DPH6: variants seen among roughly 807,000 people sequenced by gnomAD.
The protein encoded by DPH6 is diphthine--ammonia ligase.
Under a neutral mutation model 38.2 loss-of-function variants are expected in DPH6, and 33 were observed. The ratio of observed to expected loss-of-function variants is 0.86; its 90% CI spans 0.65 to 1.15. The LOEUF (loss-of-function observed/expected upper bound fraction) is 1.15. Among genes scored for constraint, DPH6 ranks in the 50% most tolerant of loss-of-function variants. The pLI is 0.00. For synonymous variants in DPH6, 108 were observed against 103.0 expected (o/e 1.05, Z -0.30); for missense variants, 325 against 320.0 (o/e 1.02, Z -0.12).
intron 6 of DPH6, chr15:35,401,700 C>G (rs1174291076): frequency 1.4e-6 from 1 of 734,816 alleles, no homozygotes; most frequent in Non-Finnish European, 2.5e-6. Flanking sequence ...CTTTGCCAAA[C>G]CACGACACCA....
intron 3 of DPH6, chr15:35,220,691 A>C (rs116014057): frequency 6.6e-6 from 1 of 152,288 alleles, no homozygotes; most frequent in African/African-American, 2.4e-5. Flanking sequence ...TCCTGGTCTA[A>C]TTAATTATTA....
chr15:35,241,480 C>T (rs1455643384), intron 3 of DPH6, among the ~76,000 whole-genome samples: 11 of 143,130 alleles, frequency 7.7e-5, no homozygotes, highest in South Asian at 2.4e-4. Context: ...ACTTAGACAA[C>T]ACTCTTTTAT....
At chr15:35,235,912 T>C (rs563236224) in intron 3 of DPH6, among the ~76,000 whole-genome samples, 6 of 152,346 alleles carry the variant, frequency 3.9e-5, no homozygotes, top group African/African-American at 1.2e-4. Context: ...ATTTGTGTTA[T>C]GAGTATTTTC....
intron 3 of DPH6, among the ~76,000 whole-genome samples, chr15:35,471,270 C>T (rs1403331819): frequency 6.6e-6 from 1 of 152,184 alleles, no homozygotes; most frequent in Non-Finnish European, 1.5e-5. Context: ...ACTCTCTCCA[C>T]TCTCTCTGGG....
At chr15:35,341,835 C>T (rs1458786598) in intron 3 of DPH6, among the ~76,000 whole-genome samples, 1 of 152,184 alleles carries the variant, frequency 6.6e-6, no homozygotes, top group Non-Finnish European at 1.5e-5. Context: ...CTCACCCAGT[C>T]AGTAGGAACA....
chr15:35,175,229 TGAA>T, the DPH6 span, among the ~76,000 whole-genome samples: 1,858 of 152,332 alleles, frequency 0.012, 17 homozygotes, highest in South Asian at 0.061. Flanking sequence ...TCATTTTACC[TGAA>T]GTCGATAAGG....
At chr15:35,530,348 C>G (rs1454514945) in intron 3 of DPH6, among the ~76,000 whole-genome samples, 1 of 151,960 alleles carries the variant, frequency 6.6e-6, no homozygotes, top group Non-Finnish European at 1.5e-5. Flanking sequence ...AACCAGTCAA[C>G]AGGATACAGA....
chr15:35,287,126 T>G (rs893604039), intron 3 of DPH6, among the ~76,000 whole-genome samples: 2 of 152,184 alleles, frequency 1.3e-5, no homozygotes, highest in African/African-American at 4.8e-5. Context: ...GGCTGAAATG[T>G]TACAACTCAG....
intron 3 of DPH6, among the ~76,000 whole-genome samples, chr15:35,349,221 C>T (rs933354562): frequency 1.3e-5 from 2 of 152,124 alleles, no homozygotes; most frequent in African/African-American, 2.4e-5. Flanking sequence ...GGGCATCCTT[C>T]CCTTGTTACC....
rs2051860941 is a variant in DPH6, at chr15:35,276,638, A to G, written n.201-56056T>C. On this transcript the variant is annotated intron_variant and non_coding_transcript_variant, in intron 3 of 3. Transcript: ENST00000560386. ...AGGTGAAAGATGAGGATCCAGTTTC[A>G]TTATTCTACATGTGGCTAGTCAATT... 2.0e-5 allele frequency among the ~76,000 whole-genome samples: 3 copies of G among 152,190 alleles called. No individual in the cohort carries two copies. The South Asian group carries it at 6.2e-4, about 31-fold the overall frequency.
the DPH6 span, among the ~76,000 whole-genome samples, chr15:35,201,435 A>AAG: frequency 6.6e-6 from 1 of 151,792 alleles, no homozygotes; most frequent in African/African-American, 2.4e-5. Context: ...TCCCCTTTAT[A>AAG]ATGTTTTAAA....
At chr15:35,281,472 A>AT (rs1053410037) in intron 3 of DPH6, among the ~76,000 whole-genome samples, 4 of 152,086 alleles carry the variant, frequency 2.6e-5, no homozygotes, top group East Asian at 1.9e-4. Flanking sequence ...GCTAATAATA[A>AT]TTTTTTTTCA....
chr15:35,526,285 G>C (rs902545059), intron 3 of DPH6, among the ~76,000 whole-genome samples: 2 of 152,082 alleles, frequency 1.3e-5, no homozygotes, highest in African/African-American at 4.8e-5. Context: ...CTTATAGTAG[G>C]GAGTACAGAA....
intron 7 of DPH6, 135 bp from the exon 8 acceptor site, chr15:35,373,743 T>C (rs559785987): frequency 3.8e-6 from 2 of 521,658 alleles, no homozygotes; most frequent in Admixed American, 8.6e-5. Context: ...TAGTGATTAA[T>C]AAATATTTTT....
intron 1 of DPH6, among the ~76,000 whole-genome samples, chr15:35,543,393 C>A (rs775172710): frequency 1.3e-5 from 2 of 150,960 alleles, no homozygotes; most frequent in African/African-American, 4.9e-5. Flanking sequence ...CTAAGGCAGA[C>A]GCATATCACT....
chr15:35,542,429 T>G lies in DPH6; in HGVS notation c.102A>C (p.Arg34Ser). ...GHQIVALANLRPAENQVGSDE... is the reference protein window; with the variant it reads ...GHQIVALANLSPAENQVGSDE... ...TGTACTTACCTTGGTTTTCAGCTGGTCTTAGATTTGCTAAAGCAACGATCT... is the reference window on the plus strand; with the variant it reads ...TGTACTTACCTTGGTTTTCAGCTGGGCTTAGATTTGCTAAAGCAACGATCT... Residue 34 changes from arginine (R) to serine (S), a missense_variant, in exon 2 of 9, where the codon AGA (arginine) becomes AGC (serine). By Grantham distance (110) the Arg-to-Ser change is moderately radical (BLOSUM62 -1). Coordinates refer to ENST00000256538, the MANE Select transcript of DPH6 (RefSeq NM_080650.4). 6.4e-7 allele frequency: 1 copy of G among 1,572,052 alleles called. No individual in the cohort carries two copies. Among genetic ancestry groups the G allele is most frequent in the Non-Finnish European group, 8.7e-7 (1 of 1,147,648 alleles).
intron 3 of DPH6, among the ~76,000 whole-genome samples, chr15:35,349,504 T>G (rs1302244684): frequency 1.3e-5 from 2 of 152,172 alleles, no homozygotes; most frequent in African/African-American, 4.8e-5. Context: ...TGGAGTGATT[T>G]CGGCTTACTG....
In DPH6 at chr15:35,400,923, G is replaced by C. The variant is rs970209674; in HGVS notation, c.567+9912C>G. On this transcript the variant is annotated intron_variant, in intron 6 of 8. Transcript: ENST00000256538. ...CAGCCATGAATGCAAGGCCACACAA[G>C]GTGGATGAAGAGTTGTGGAACCAAA... The C allele has an allele frequency of 4.6e-5, 48 of 1,037,246 alleles. No individual in the cohort carries two copies. In the Middle Eastern group the frequency reaches 1.5e-3, roughly 32 times the overall value. The allele number at this position is 1,037,246 out of a possible 1,614,324, so 64.3% of individuals were successfully genotyped here. A position where few individuals can be genotyped will look rare whatever the true frequency, so the allele number is the denominator to read the frequency against.
intron 3 of DPH6, among the ~76,000 whole-genome samples, chr15:35,333,042 T>C (rs1201785724): frequency 1.4e-5 from 2 of 143,552 alleles, no homozygotes; most frequent in Non-Finnish European, 3.1e-5. Flanking sequence ...GGATGTCAAA[T>C]AAGAAGGAAA....
Sources: gnomAD v4.1 joint callset for allele counts (sites outside exome capture counted in the v4.1 genomes callset) on GRCh38, gnomAD v4.1.1 for gene constraint, MANE v1.5 for transcripts, NCBI Gene and HGNC (gene_info 2026-07-23, HGNC 2026-07-21) for gene names.